RPS6KA3: variants seen among roughly 807,000 people sequenced by gnomAD.
The protein encoded by RPS6KA3 is ribosomal protein S6 kinase alpha-3.
Under a neutral mutation model 67.2 loss-of-function variants are expected in RPS6KA3, and 4 were observed. That is an observed-to-expected ratio of 0.06 (90% confidence interval 0.03 to 0.14). The LOEUF (loss-of-function observed/expected upper bound fraction) is 0.14. Among genes scored for constraint, RPS6KA3 ranks in the 10% least tolerant of loss-of-function variants. The pLI, the probability that RPS6KA3 is intolerant of heterozygous loss-of-function variation, is 1.00. For missense variants in RPS6KA3, 204 were observed against 559.0 expected (o/e 0.36, Z 6.40); for synonymous variants, 182 against 183.7 (o/e 0.99, Z 0.07).
chrX:20,203,248 A>G (rs947198544), intron 4 of RPS6KA3: 4 of 103,129 alleles, frequency 3.9e-5, no homozygotes, highest in African/African-American at 1.1e-4. Context: ...TTAAATCTAT[A>G]TTTCTTCTTA....
chrX:20,202,863 A>T (rs184347921), intron 4 of RPS6KA3, among the ~76,000 whole-genome samples: 26 of 112,286 alleles, frequency 2.3e-4, no homozygotes, highest in African/African-American at 8.4e-4. Context: ...AAATGCAGTG[A>T]CAGAAAGGCA....
intron 16 of RPS6KA3, among the ~76,000 whole-genome samples, chrX:20,168,919 A>C (rs1486271267): frequency 9.0e-6 from 1 of 111,665 alleles, no homozygotes; most frequent in Non-Finnish European, 1.9e-5. Context: ...GTGGTGCGAT[A>C]ACTGCTCACT....
At chrX:20,246,303 T>C (rs757078656) in intron 1 of RPS6KA3, among the ~76,000 whole-genome samples, 2 of 110,090 alleles carry the variant, frequency 1.8e-5, no homozygotes, top group South Asian at 7.9e-4. Context: ...TGCTGGAGGT[T>C]GTGGTACAGT....
At position 20,251,554 on chromosome X, in the gene RPS6KA3, A is replaced by G. The variant is rs191279252; in HGVS notation, c.69+15010T>C. Among the ~76,000 whole-genome samples, 19 of 112,970 alleles carry G rather than the reference A, an allele frequency of 1.7e-4. No individual in the cohort carries two copies. In the East Asian group the frequency reaches 5.0e-3, roughly 30 times the overall value. On this transcript the variant is annotated intron_variant, in intron 1 of 21. Coordinates refer to ENST00000379565, the MANE Select transcript of RPS6KA3 (RefSeq NM_004586.3). ...TCTGCTGTCGCATGAGTTGTTCCCT[A>G]TAGGTAACAGTTCATTTCTCTCTAA...
chrX:20,186,223 T>A (rs190341359), intron 10 of RPS6KA3, 73 bp downstream of exon 10: 2 of 734,532 alleles, frequency 2.7e-6, no homozygotes, highest in East Asian at 6.5e-5. Flanking sequence ...ATTACAGGCA[T>A]GAGCCACAGC....
intron 6 of RPS6KA3, 28 bp downstream of exon 6, chrX:20,194,161 A>G (rs900388184): frequency 2.1e-6 from 2 of 944,408 alleles, no homozygotes; most frequent in Non-Finnish European, 3.1e-6. Context: ...GCATGTAAAT[A>G]GACTAAAAAT....
chrX:20,260,050 C>T (rs2070182425), intron 1 of RPS6KA3, among the ~76,000 whole-genome samples: 1 of 111,516 alleles, frequency 9.0e-6, no homozygotes, highest in Non-Finnish European at 1.9e-5. Context: ...ATAACTAAAA[C>T]AAATGTATTT....
chrX:20,220,996 T>A (rs2068974849), intron 2 of RPS6KA3, among the ~76,000 whole-genome samples: 1 of 112,270 alleles, frequency 8.9e-6, no homozygotes, highest in Admixed American at 9.4e-5. Context: ...GACTAGCTCA[T>A]GTGATTGGAA....
rs1412568327 is a variant in RPS6KA3 at position 20,154,370 on chromosome X, T to C, written c.*1028A>G. On this transcript the variant is annotated 3_prime_UTR_variant, in exon 22 of 22. Transcript: ENST00000379565. Reference sequence around the variant, plus strand: ...ATTAGTGTTTAATATAGAATATCTATTTAAACATGAAATATCCAATAGGAC... The same window carrying C: ...ATTAGTGTTTAATATAGAATATCTACTTAAACATGAAATATCCAATAGGAC... 1 of 112,648 alleles carries C rather than the reference T, an allele frequency of 8.9e-6. No homozygotes were observed. The highest frequency in any genetic ancestry group is 1.9e-5 in the Non-Finnish European group (1 of 53,361). The allele number at this position is 112,648 out of a possible 1,213,427, so 9.3% of individuals were successfully genotyped here.
At chrX:20,218,225 A>G (rs2068904535) in intron 2 of RPS6KA3, among the ~76,000 whole-genome samples, 2 of 112,091 alleles carry the variant, frequency 1.8e-5, no homozygotes, top group Non-Finnish European at 3.8e-5. Flanking sequence ...AACATCCACT[A>G]AGCCCATTTT....
At chrX:20,166,237 A>G (rs745774315) in intron 17 of RPS6KA3, among the ~76,000 whole-genome samples, 4 of 111,953 alleles carry the variant, frequency 3.6e-5, no homozygotes, top group Non-Finnish European at 5.6e-5. Context: ...TCTGTGTTCC[A>G]ATCAATCAAA....
At chrX:20,215,398 A>G (rs974367953) in intron 2 of RPS6KA3, among the ~76,000 whole-genome samples, 1 of 111,307 alleles carries the variant, frequency 9.0e-6, no homozygotes, top group Admixed American at 9.6e-5. Flanking sequence ...GAGAGAAAAG[A>G]TCAATTCCTG....
At chrX:20,178,490 T>TTTTTTG (rs1053602563) in intron 10 of RPS6KA3, among the ~76,000 whole-genome samples, 1 of 107,154 alleles carries the variant, frequency 9.3e-6, no homozygotes, top group African/African-American at 3.4e-5. Flanking sequence ...AGTTTTTTTT[T>TTTTTTG]TTTTTTTTTT....
Position 20,176,522 on chromosome X carries a change from A to C in RPS6KA3, c.935-24T>G, listed in dbSNP as rs370974137. The C allele has an allele frequency of 5.5e-5, 59 of 1,068,894 alleles. No homozygotes were observed. In the African/African-American group the frequency reaches 8.1e-4, roughly 15 times the overall value. 88.1% of individuals were successfully genotyped at this position (1,068,894 alleles called of 1,213,427 possible). Reference sequence around the variant, plus strand: ...ACCTATCAAAAATGGATTCACTGATAATTTTATTTCAAGGAGAAATATACA... The same window carrying C: ...ACCTATCAAAAATGGATTCACTGATCATTTTATTTCAAGGAGAAATATACA... On this transcript the variant is annotated intron_variant, in intron 11 of 21. Coordinates refer to ENST00000379565, the MANE Select transcript of RPS6KA3 (RefSeq NM_004586.3).
intron 20 of RPS6KA3, among the ~76,000 whole-genome samples, chrX:20,157,499 C>T (rs1432691285): frequency 1.3e-5 from 1 of 77,796 alleles, no homozygotes; most frequent in East Asian, 3.5e-4. Context: ...GAGACCCTGT[C>T]TCAAAAAAAA....
chrX:20,194,671 G>A (rs946189194), intron 5 of RPS6KA3, among the ~76,000 whole-genome samples: 3 of 111,064 alleles, frequency 2.7e-5, no homozygotes, highest in Admixed American at 9.7e-5. Flanking sequence ...AAAAGCATAT[G>A]GCTTCGGGGA....
At chrX:20,188,612 G>T in intron 7 of RPS6KA3, 78 bp from the exon 8 acceptor site, 1 of 529,475 alleles carries the variant, frequency 1.9e-6, no homozygotes, top group Non-Finnish European at 3.3e-6. Flanking sequence ...ACATCCTTAA[G>T]CATCAGATCA....
At chrX:20,208,442 G>C (rs1166344253) in intron 3 of RPS6KA3, among the ~76,000 whole-genome samples, 1 of 111,836 alleles carries the variant, frequency 8.9e-6, no homozygotes, top group Non-Finnish European at 1.9e-5. Flanking sequence ...TCGGCCGGGC[G>C]TGGTTGCTCA....
At chrX:20,254,685 AC>A (rs2069987493) in intron 1 of RPS6KA3, among the ~76,000 whole-genome samples, 3 of 112,655 alleles carry the variant, frequency 2.7e-5, no homozygotes, top group African/African-American at 9.7e-5. Context: ...TAAAACGGTA[AC>A]AAAATAAGCA....
Sources: gnomAD v4.1 joint callset for allele counts (sites outside exome capture counted in the v4.1 genomes callset) on GRCh38, gnomAD v4.1.1 for gene constraint, MANE v1.5 for transcripts, NCBI Gene and HGNC (gene_info 2026-07-23, HGNC 2026-07-21) for gene names.